The following RIMBP2 variants were observed in gnomAD, a reference collection of about 807,000 sequenced individuals.
The protein encoded by RIMBP2 is RIMS binding protein 2.
RIMBP2 carries 48 observed loss-of-function variants against 118.6 expected under a neutral mutation model. The ratio of observed to expected loss-of-function variants is 0.40; its 90% CI spans 0.32 to 0.51. The LOEUF (loss-of-function observed/expected upper bound fraction) is 0.51, where lower values mean the gene tolerates loss of function less well. Among genes scored for constraint, RIMBP2 ranks in the 20% least tolerant of loss-of-function variants. The probability of loss-of-function intolerance (pLI) is 0.41; values close to 1 mark genes in which losing one functional copy is unlikely to be tolerated. For synonymous variants in RIMBP2, 762 were observed against 742.9 expected (o/e 1.03, Z -0.42); for missense variants, 1,551 against 1,768.3 (o/e 0.88, Z 2.20).
intron 17 of RIMBP2, among the ~76,000 whole-genome samples, chr12:130,418,592 C>T (rs1253504870): frequency 6.6e-6 from 1 of 152,146 alleles, no homozygotes. Flanking sequence ...CTGGCTACAC[C>T]ATTTTCCAAG....
intron 2 of RIMBP2, among the ~76,000 whole-genome samples, chr12:130,593,289 T>A (rs2059383219): frequency 1.3e-5 from 2 of 152,186 alleles, no homozygotes; most frequent in Non-Finnish European, 2.9e-5. Context: ...TCGTTCACAC[T>A]GCTCTCCCAC....
chr12:130,699,082 GT>G (rs1483379627), intron 1 of RIMBP2, among the ~76,000 whole-genome samples: 2 of 152,092 alleles, frequency 1.3e-5, no homozygotes, highest in East Asian at 3.9e-4. Flanking sequence ...CAGGAAATAG[GT>G]GCTGGAGAGG....
chr12:130,478,109 G>T (rs2081602145), intron 5 of RIMBP2, among the ~76,000 whole-genome samples: 1 of 152,194 alleles, frequency 6.6e-6, no homozygotes. Context: ...GTGGGGTGAG[G>T]TTACCTTTCT....
intron 2 of RIMBP2, among the ~76,000 whole-genome samples, chr12:130,611,136 C>CCTG (rs2060517213): frequency 1.3e-5 from 2 of 152,216 alleles, no homozygotes; most frequent in Admixed American, 1.3e-4. Context: ...AGAGCCTGAA[C>CCTG]TCAGCCTCAG....
chr12:130,560,357 G>T (rs547773535), intron 2 of RIMBP2, among the ~76,000 whole-genome samples: 4 of 152,056 alleles, frequency 2.6e-5, no homozygotes, highest in Non-Finnish European at 5.9e-5. Context: ...ACCTCAGCCC[G>T]GTGGTCATCT....
chr12:130,545,257 G>A (rs559680799), intron 2 of RIMBP2, among the ~76,000 whole-genome samples: 76 of 152,238 alleles, frequency 5.0e-4, no homozygotes, highest in African/African-American at 1.6e-3. Flanking sequence ...AGAATCAGAC[G>A]CGTAATTGCT....
rs866973679 is a variant in RIMBP2, at chr12:130,431,502, T to C, written c.2254-3165A>G. Reference sequence around the variant, plus strand: ...TTGAATCAATATTTAACGTTACTTTTAAAGAAAATATCTCAACTGTAAATG... The same window carrying C: ...TTGAATCAATATTTAACGTTACTTTCAAAGAAAATATCTCAACTGTAAATG... On this transcript the variant is annotated intron_variant, in intron 14 of 22. Transcript: ENST00000690449. This position sits in a 1 kb window ranked among gnomAD's most constrained non-coding sequence, Gnocchi z 4.0. The C allele has an allele frequency of 1.2e-5, 4 of 336,206 alleles. No individual in the cohort carries two copies. The highest frequency in any genetic ancestry group is 3.9e-4 in the Middle Eastern group (1 of 2,536). The allele number at this position is 336,206 out of a possible 1,614,324, so 20.8% of individuals were successfully genotyped here. A position where few individuals can be genotyped will look rare whatever the true frequency, so the allele number is the denominator to read the frequency against.
At chr12:130,417,136 C>T (rs2076150288) in intron 17 of RIMBP2, among the ~76,000 whole-genome samples, 1 of 152,014 alleles carries the variant, frequency 6.6e-6, no homozygotes, top group Non-Finnish European at 1.5e-5. Context: ...ATGTATATAC[C>T]ATTGGAGGGA....
chr12:130,485,320 G>A (rs979078131), intron 4 of RIMBP2, among the ~76,000 whole-genome samples: 1 of 152,260 alleles, frequency 6.6e-6, no homozygotes, highest in Non-Finnish European at 1.5e-5. Flanking sequence ...CATCCCAGCA[G>A]AGCAACAGAC....
chr12:130,641,668 G>A (rs77449097), intron 1 of RIMBP2, among the ~76,000 whole-genome samples: 2,322 of 152,266 alleles, frequency 0.015, 68 homozygotes, highest in African/African-American at 0.051. Flanking sequence ...AACAAACTGC[G>A]CCTGTGTTGT....
At chr12:130,463,327 G>C (rs1476198630) in intron 6 of RIMBP2, among the ~76,000 whole-genome samples, 1 of 152,230 alleles carries the variant, frequency 6.6e-6, no homozygotes, top group African/African-American at 2.4e-5. Flanking sequence ...CCTGCTCGGC[G>C]CTAGGGTCTG....
intron 2 of RIMBP2, among the ~76,000 whole-genome samples, chr12:130,551,979 A>G (rs540722283): frequency 1.3e-5 from 2 of 150,574 alleles, no homozygotes; most frequent in Non-Finnish European, 3.0e-5. Flanking sequence ...GTGATTTCAG[A>G]TCCCATGTTA....
At chr12:130,493,227 C>T (rs1463650891) in intron 4 of RIMBP2, among the ~76,000 whole-genome samples, 3 of 152,150 alleles carry the variant, frequency 2.0e-5, no homozygotes, top group Non-Finnish European at 4.4e-5. Flanking sequence ...GTCTGCCACT[C>T]GATTTGGCTT....
At chr12:130,689,171 G>A (rs548003939) in intron 1 of RIMBP2, among the ~76,000 whole-genome samples, 6 of 152,170 alleles carry the variant, frequency 3.9e-5, no homozygotes, top group South Asian at 2.1e-4. Context: ...GTCCTGGGCC[G>A]GGCACAGTGG....
chr12:130,556,772 G>C (rs1267161052), intron 2 of RIMBP2, among the ~76,000 whole-genome samples: 2 of 152,218 alleles, frequency 1.3e-5, no homozygotes, highest in Non-Finnish European at 2.9e-5. Flanking sequence ...TAGAGCCCAA[G>C]TATGCAGTGC....
Position 130,523,201 on chromosome 12 carries a change from G to T in RIMBP2, c.-216-5284C>A, listed in dbSNP as rs188721339. ...TGCCTCTCTGTCTCTATTTCTCTGT[G>T]TTGGGGGGGGTTTCTCTGCCTCCAT... On this transcript the variant is annotated intron_variant, in intron 2 of 22. Coordinates refer to ENST00000690449, the MANE Select transcript of RIMBP2 (RefSeq NM_001393629.1). The surrounding 1 kb of genome is among the most constrained non-coding windows in gnomAD (Gnocchi z 4.4). 3.2e-4 allele frequency among the ~76,000 whole-genome samples: 49 copies of T among 152,002 alleles called. No individual in the cohort carries two copies. Among genetic ancestry groups the T allele is most frequent in the African/African-American group, 1.1e-3 (46 of 41,430 alleles).
chr12:130,537,877 C>T lies in RIMBP2; in HGVS notation c.-216-19960G>A, dbSNP rs143882359. 4.6e-5 allele frequency among the ~76,000 whole-genome samples: 7 copies of T among 152,286 alleles called. No homozygotes were observed. The East Asian group carries it at 9.7e-4, about 21-fold the overall frequency. ...TAAGCTCAGATCATGTTTGAAATTGCCCCTTTGGCTGGACTCAGGGTGAAA... is the reference window on the plus strand; with the variant it reads ...TAAGCTCAGATCATGTTTGAAATTGTCCCTTTGGCTGGACTCAGGGTGAAA... On this transcript the variant is annotated intron_variant, in intron 2 of 22. Transcript: ENST00000690449.
At chr12:130,560,825 A>G (rs2056762795) in intron 2 of RIMBP2, among the ~76,000 whole-genome samples, 1 of 152,188 alleles carries the variant, frequency 6.6e-6, no homozygotes, top group Non-Finnish European at 1.5e-5. Context: ...CTTGCAATCC[A>G]GTATTAAGGG....
At chr12:130,607,411 G>T (rs11061028) in intron 2 of RIMBP2, among the ~76,000 whole-genome samples, 26,735 of 151,952 alleles carry the variant, frequency 0.18, 3,358 homozygotes, top group East Asian at 0.36. Flanking sequence ...GGTGCCTCCA[G>T]TTGATAGCTT....
Sources: gnomAD v4.1 joint callset for allele counts (sites outside exome capture counted in the v4.1 genomes callset) on GRCh38, gnomAD v4.1.1 for gene constraint, Gnocchi (gnomAD v3.1) non-coding constraint, MANE v1.5 for transcripts, NCBI Gene and HGNC (gene_info 2026-07-23, HGNC 2026-07-21) for gene names.